The following DCAF1 variants were observed in gnomAD, a reference collection of about 807,000 sequenced individuals.
The protein encoded by DCAF1 is DDB1- and CUL4-associated factor 1.
Under a neutral mutation model 128.0 loss-of-function variants are expected in DCAF1, and 15 were observed. That is an observed-to-expected ratio of 0.12 (90% CI 0.08 to 0.18). The LOEUF is 0.18. Ranked by LOEUF, DCAF1 falls within the 10% of genes least tolerant of loss-of-function variation. The pLI is 1.00. For synonymous variants in DCAF1, 610 were observed against 603.0 expected, an observed-to-expected ratio of 1.01 and a Z score of -0.17; for missense variants, 988 against 1,649.5, an observed-to-expected ratio of 0.60 and a Z score of 6.95.
chr3:51,464,231 T>C (rs2108082657), intron 5 of DCAF1, among the ~76,000 whole-genome samples: 1 of 144,064 alleles, frequency 6.9e-6, no homozygotes, highest in African/African-American at 2.6e-5. Context: ...CAATGGTTAA[T>C]GAAAAACTCA....
At chr3:51,398,850 G>C in intron 24 of DCAF1, 23 bp from the exon 25 acceptor site, 1 of 1,572,184 alleles carries the variant, frequency 6.4e-7, no homozygotes, top group Non-Finnish European at 8.6e-7. Flanking sequence ...AAAAGGGAGA[G>C]ACAAGATTAC....
At position 51,445,831 on chromosome 3, in the gene DCAF1, T is replaced by C. The variant is rs1194234547; in HGVS notation, c.376-1928A>G. On this transcript the variant is annotated intron_variant, in intron 6 of 24. Transcript: ENST00000684031. ...TCCACATCTTTGCCAACACTACCACTATCAGTCTGATGGGTGTAAAAACAG... is the reference window on the plus strand; with the variant it reads ...TCCACATCTTTGCCAACACTACCACCATCAGTCTGATGGGTGTAAAAACAG... Among the ~76,000 whole-genome samples the C allele has an allele frequency of 2.0e-5, 3 of 152,176 alleles. No individual in the cohort carries two copies. The East Asian group carries it at 5.8e-4, about 29-fold the overall frequency.
intron 4 of DCAF1, among the ~76,000 whole-genome samples, chr3:51,467,865 C>A (rs1704298930): frequency 6.6e-6 from 1 of 152,044 alleles, no homozygotes; most frequent in South Asian, 2.1e-4. Context: ...TCTGACTCCC[C>A]ATCCATAAAA....
intron 23 of DCAF1, among the ~76,000 whole-genome samples, chr3:51,411,498 A>G (rs1174074469): frequency 6.6e-6 from 1 of 152,196 alleles, no homozygotes; most frequent in Non-Finnish European, 1.5e-5. Flanking sequence ...ACAGGCAAGC[A>G]CCTAGCGTAA....
intron 2 of DCAF1, among the ~76,000 whole-genome samples, chr3:51,488,531 G>A (rs1318426778): frequency 6.6e-6 from 1 of 151,706 alleles, no homozygotes; most frequent in African/African-American, 2.4e-5. Context: ...CAAAAATTAG[G>A]CCTGGCACGG....
At chr3:51,503,299 C>T (rs1553664713), upstream of DCAF1, among the ~76,000 whole-genome samples, 1 of 152,172 alleles carries the variant, frequency 6.6e-6, no homozygotes, top group Non-Finnish European at 1.5e-5. Flanking sequence ...CTACCTACTC[C>T]CACCTCCAAG....
chr3:51,456,906 C>G, intron 6 of DCAF1, among the ~76,000 whole-genome samples: 1 of 152,144 alleles, frequency 6.6e-6, no homozygotes, highest in South Asian at 2.1e-4. Context: ...ACCAAAAACC[C>G]ATCTGTACGT....
chr3:51,442,942 T>C (rs1701500483), intron 7 of DCAF1, among the ~76,000 whole-genome samples: 1 of 151,900 alleles, frequency 6.6e-6, no homozygotes, highest in Non-Finnish European at 1.5e-5. Flanking sequence ...GGAAGAGAAA[T>C]CAGGAAGAAT....
intron 9 of DCAF1, among the ~76,000 whole-genome samples, chr3:51,434,351 AG>A (rs1700638759): frequency 6.6e-6 from 1 of 151,418 alleles, no homozygotes; most frequent in African/African-American, 2.4e-5. Context: ...GTAGTGAGCT[AG>A]GATCAATTGC....
At chr3:51,453,844 T>C (rs1318995249) in intron 6 of DCAF1, among the ~76,000 whole-genome samples, 1 of 151,582 alleles carries the variant, frequency 6.6e-6, no homozygotes, top group Non-Finnish European at 1.5e-5. Context: ...TCCCAGCTAC[T>C]CAGGAGACTG....
At chr3:51,457,430 C>T (rs1577210414) in intron 6 of DCAF1, among the ~76,000 whole-genome samples, 1 of 152,166 alleles carries the variant, frequency 6.6e-6, no homozygotes, top group African/African-American at 2.4e-5. Flanking sequence ...ACCAAATCTA[C>T]GTCTGATTGG....
At chr3:51,492,910 C>G (rs1368806099) in intron 2 of DCAF1, among the ~76,000 whole-genome samples, 2 of 152,100 alleles carry the variant, frequency 1.3e-5, no homozygotes, top group Admixed American at 6.6e-5. Context: ...AGGAGAATGG[C>G]GTGAACCCGG....
At chr3:51,422,515 T>TA (rs1339205335) in intron 13 of DCAF1, 84 bp from the exon 14 acceptor site, 6 of 700,770 alleles carry the variant, frequency 8.6e-6, no homozygotes, top group Admixed American at 2.0e-5. Context: ...CACAGACAGA[T>TA]AGACACATAC....
intron 12 of DCAF1, among the ~76,000 whole-genome samples, chr3:51,428,186 C>CT (rs77357659): frequency 5.3e-5 from 8 of 149,778 alleles, no homozygotes; most frequent in East Asian, 2.0e-4. Context: ...CAATTTGTGA[C>CT]TTTTTTTTTT....
chr3:51,473,796 C>A (rs1417091254), intron 3 of DCAF1, among the ~76,000 whole-genome samples: 4 of 150,932 alleles, frequency 2.7e-5, no homozygotes, highest in African/African-American at 9.7e-5. Flanking sequence ...GCCACCACAC[C>A]CAGCCTTGCT....
At chr3:51,429,084 T>A (rs1700154455) in intron 12 of DCAF1, among the ~76,000 whole-genome samples, 177 bp downstream of exon 12, 1 of 152,206 alleles carries the variant, frequency 6.6e-6, no homozygotes, top group South Asian at 2.1e-4. Flanking sequence ...GGAAGCAAAA[T>A]AATTCCCTGA....
chr3:51,470,818 T>C, intron 4 of DCAF1, 111 bp downstream of exon 4: 2 of 643,122 alleles, frequency 3.1e-6, no homozygotes, highest in South Asian at 7.5e-5. Flanking sequence ...AATTCAAAAA[T>C]TTTCCCATAA....
At chr3:51,463,259 T>C (rs1553645316) in intron 5 of DCAF1, 32 bp from the exon 6 acceptor site, 6 of 1,434,736 alleles carry the variant, frequency 4.2e-6, no homozygotes, top group Middle Eastern at 1.8e-4. Flanking sequence ...ACTGTTCATC[T>C]AAAATTCAAC....
At chr3:51,466,604 T>C (rs1188733001) in intron 5 of DCAF1, among the ~76,000 whole-genome samples, 199 bp downstream of exon 5, 3 of 152,042 alleles carry the variant, frequency 2.0e-5, no homozygotes, top group Non-Finnish European at 4.4e-5. Context: ...AGAATGAGCG[T>C]AGATACCTTG....
Sources: gnomAD v4.1 joint callset for allele counts (sites outside exome capture counted in the v4.1 genomes callset) on GRCh38, gnomAD v4.1.1 for gene constraint, MANE v1.5 for transcripts, NCBI Gene and HGNC (gene_info 2026-07-23, HGNC 2026-07-21) for gene names.